The following DSP variants were observed in gnomAD, a reference collection of about 807,000 sequenced individuals.
The protein encoded by DSP is 250/210 kDa paraneoplastic pemphigus antigen.
In DSP, 114 loss-of-function variants were observed where a neutral mutation model predicts 290.6. The ratio of observed to expected loss-of-function variants is 0.39; its 90% CI spans 0.34 to 0.46. The LOEUF is 0.46. DSP is among the 20% of genes least tolerant of loss of function. The pLI, the probability that DSP is intolerant of heterozygous loss-of-function variation, is 0.99. For missense variants in DSP, 3,230 were observed against 3,495.8 expected (o/e 0.92, Z 1.92); for synonymous variants, 1,311 against 1,316.4 (o/e 1.00, Z 0.09).
At chr6:7,577,908 T>A (rs1759294027) in intron 21 of DSP, 22 bp downstream of exon 21, 3 of 1,580,684 alleles carry the variant, frequency 1.9e-6, no homozygotes, top group South Asian at 1.1e-5. Context: ...ATCACATATC[T>A]CTTAAAACCT....
chr6:7,568,829 T>G (rs1364717238), intron 11 of DSP, among the ~76,000 whole-genome samples: 1 of 152,160 alleles, frequency 6.6e-6, no homozygotes, highest in East Asian at 1.9e-4. Flanking sequence ...GCTTAATACT[T>G]TTCTTCTAGT....
chr6:7,566,060 G>A (rs1758853897), intron 7 of DSP, among the ~76,000 whole-genome samples: 1 of 152,146 alleles, frequency 6.6e-6, no homozygotes, highest in South Asian at 2.1e-4. Flanking sequence ...GATAAGAACT[G>A]GTACGTTCAG....
chr6:7,545,693 G>T (rs995133655), intron 1 of DSP, among the ~76,000 whole-genome samples: 1 of 152,214 alleles, frequency 6.6e-6, no homozygotes, highest in African/African-American at 2.4e-5. Flanking sequence ...CACAGGAGGG[G>T]TGTACGTGAC....
At chr6:7,545,447 C>A (rs1758146235) in intron 1 of DSP, among the ~76,000 whole-genome samples, 1 of 152,224 alleles carries the variant, frequency 6.6e-6, no homozygotes, top group Admixed American at 6.5e-5. Context: ...GGATCCTCAC[C>A]TTGGTTTTCC....
intron 11 of DSP, 36 bp downstream of exon 11, chr6:7,568,625 C>T: frequency 3.1e-6 from 5 of 1,611,318 alleles, no homozygotes; most frequent in Non-Finnish European, 3.4e-6. Context: ...AAAGTTTTCC[C>T]TGTCTTTACA....
At position 7,559,333 on chromosome 6, in the gene DSP, G is replaced by C; in HGVS notation, c.530G>C (p.Gly177Ala). ...KGGGGYTCQS[G>A]SGWDEFTKHV... ...GGTGGAGGCTACACTTGTCAGAGTG[G>C]CTCTGGCTGGGATGAGTTCACCAAA... The change falls in exon 4 of 24, where the codon GGC (glycine) becomes GCC (alanine). Residue 177 changes from glycine (G) to alanine (A), a missense_variant. Gly to Ala is a moderately conservative substitution (Grantham distance 60). Around this residue, in one of 5 missense-constraint regions of DSP, gnomAD observed 646 missense variants for 684.3 expected, o/e 0.94. Coordinates refer to ENST00000379802, the MANE Select transcript of DSP (RefSeq NM_004415.4). 6.2e-7 allele frequency: 1 copy of C among 1,613,734 alleles called. No individual in the cohort carries two copies. The highest frequency in any genetic ancestry group is 8.5e-7 in the Non-Finnish European group (1 of 1,180,030).
At chr6:7,556,658 A>G (rs1272706562) in intron 2 of DSP, among the ~76,000 whole-genome samples, 2 of 152,246 alleles carry the variant, frequency 1.3e-5, no homozygotes, top group African/African-American at 2.4e-5. Context: ...CTCTGTTTAG[A>G]TAACATTTTA....
chr6:7,570,696 CTCCT>C, intron 13 of DSP, 133 bp downstream of exon 13: 8 of 1,297,544 alleles, frequency 6.2e-6, no homozygotes, highest in Non-Finnish European at 7.6e-6. Context: ...CAGCTCAGCC[CTCCT>C]TAGAGGTTCT....
chr6:7,565,397 G>A lies in DSP; in HGVS notation c.816G>A (p.Leu272=), dbSNP rs376184294. 3.0e-5 allele frequency: 48 copies of A among 1,614,132 alleles called. No homozygotes were observed. In the African/African-American group the frequency reaches 4.4e-4, roughly 15 times the overall value. The part of the protein sequence containing the change: ...SFERMDHLRQ[L]QNIIQATSRE... ...AGAGGATGGATCACCTGCGACAGCT[G>A]CAGAACATCATTCAGGCCACGTCCA... Residue 272 remains leucine, a synonymous_variant, in exon 7 of 24, where the codon CTG becomes CTA. Transcript: ENST00000379802. The surrounding 1 kb of genome is among the most constrained non-coding windows in gnomAD (Gnocchi z 4.2).
chr6:7,568,303 T>A, intron 10 of DSP, 134 bp from the exon 11 acceptor site: 1 of 1,012,640 alleles, frequency 9.9e-7, no homozygotes, highest in Non-Finnish European at 1.5e-6. Flanking sequence ...TGCCGACGAA[T>A]TTGTGATTTT....
Position 7,546,170 on chromosome 6 carries a change from C to A in DSP, c.170+4085C>A, listed in dbSNP as rs537949887. Among the ~76,000 whole-genome samples the A allele has an allele frequency of 2.6e-4, 39 of 152,162 alleles. 1 individual carries two copies. The highest frequency in any genetic ancestry group is 8.9e-4 in the African/African-American group (37 of 41,506). ...ATGAAAGTCTGAACCAGGGTGAGGG[C>A]AGTGGATGGAAAAGTAGGTATTGCC... On this transcript the variant is annotated intron_variant, in intron 1 of 23. Coordinates refer to ENST00000379802, the MANE Select transcript of DSP (RefSeq NM_004415.4).
chr6:7,580,100 G>A lies in DSP; in HGVS notation c.3910G>A (p.Glu1304Lys), dbSNP rs1216887103. The change falls in exon 23 of 24, where the codon GAG becomes AAG. Residue 1304 changes from glutamate (E) to lysine (K), a missense_variant. This residue lies in a region of DSP where 1,714 missense variants were observed against 1,844.5 expected (regional missense o/e 0.93). Transcript: ENST00000379802. This position sits in a 1 kb window ranked among gnomAD's most constrained non-coding sequence, Gnocchi z 4.2. ...ELKQVMQQRS[E>K]DNARHKQSLE... is the part of the protein sequence containing the mutation. ...GAAGCAGGTCATGCAGCAGCGCTCT[G>A]AGGACAATGCCCGGCACAAGCAGTC... 1 of 1,613,994 alleles carries A rather than the reference G, an allele frequency of 6.2e-7. No homozygotes were observed. Among genetic ancestry groups the A allele is most frequent in the Non-Finnish European group, 8.5e-7 (1 of 1,180,020 alleles).
Position 7,570,441 on chromosome 6 carries a change from GAGC to G in DSP, c.1582_1584del (p.Gln528del). The G allele has an allele frequency of 6.2e-7, 1 of 1,614,102 alleles. No homozygotes were observed. The highest frequency in any genetic ancestry group is 8.5e-7 in the Non-Finnish European group (1 of 1,180,030). The stretch of plus-strand genomic sequence containing the variant: ...TTTTCCCTTTGTGCCTCTTAGGATT[GAGC>G]AGTACTACGAAGCCATCTTGGCTCT... On this transcript the variant is annotated inframe_deletion, in exon 13 of 24. Coordinates refer to ENST00000379802, the MANE Select transcript of DSP (RefSeq NM_004415.4).
intron 5 of DSP, among the ~76,000 whole-genome samples, chr6:7,563,272 G>A (rs897670194): frequency 1.3e-5 from 2 of 151,056 alleles, no homozygotes; most frequent in Non-Finnish European, 2.9e-5. Flanking sequence ...GATCTTAAGT[G>A]CTTAGTTTCC....
chr6:7,549,137 G>C (rs1758258861), intron 1 of DSP, among the ~76,000 whole-genome samples: 1 of 145,248 alleles, frequency 6.9e-6, no homozygotes, highest in Admixed American at 7.0e-5. Flanking sequence ...GATGTATATA[G>C]AGAGTGTTTA....
rs760215987 is a variant in DSP at position 7,585,663 on chromosome 6, C to T, written c.8401C>T (p.Arg2801Cys). 2 of 1,614,236 alleles carry T rather than the reference C, an allele frequency of 1.2e-6. No individual in the cohort carries two copies. Among genetic ancestry groups the T allele is most frequent in the African/African-American group, 1.3e-5 (1 of 75,068 alleles). The change falls in exon 24 of 24, where the codon CGC becomes TGC. Residue 2801 changes from arginine (R) to cysteine (C), a missense_variant. By Grantham distance (180) the Arg-to-Cys change is radical. This residue lies in a region of DSP where 582 missense variants were observed against 555.4 expected (regional missense o/e 1.05). Transcript: ENST00000379802. ...RSMVEDITGL[R>C]LLEAASVSSK... is the part of the protein sequence containing the mutation. ...CATGGTAGAAGATATCACTGGGCTG[C>T]GCCTTCTGGAAGCCGCCTCCGTGTC... is the stretch of plus-strand genomic sequence containing the variant.
intron 1 of DSP, among the ~76,000 whole-genome samples, chr6:7,544,879 T>TA (rs1466857839): frequency 6.6e-6 from 1 of 152,256 alleles, no homozygotes; most frequent in African/African-American, 2.4e-5. Flanking sequence ...TGGTAAATGT[T>TA]ACAACCTTGA....
rs768526275 is a variant in DSP at position 7,569,230 on chromosome 6, C to G, written c.1464C>G (p.Asn488Lys). Residue 488 changes from asparagine to lysine, a missense_variant, in exon 12 of 24, where the codon AAC (asparagine) becomes AAG (lysine). Around this residue, in one of 5 missense-constraint regions of DSP, gnomAD observed 646 missense variants for 684.3 expected, o/e 0.94. Transcript: ENST00000379802. ...ATGAGTGTATCCTGAAGGACAACAA[C>G]GAGCGCAGCAAGTGGTACGTGACGG... ...KGDECILKDN[N>K]ERSKWYVTGP... 6.2e-7 allele frequency: 1 copy of G among 1,614,158 alleles called. No homozygotes were observed. The highest frequency in any genetic ancestry group is 8.5e-7 in the Non-Finnish European group (1 of 1,180,026).
rs10484326 is a variant in DSP, at chr6:7,558,085, T to C, written c.274-31T>C. ...TGAAGGTTTTCTTCCTGGTAGTATG[T>C]GTTTTCCTTCATGTGAGTGTTTTCT... On this transcript the variant is annotated intron_variant, in intron 2 of 23. Transcript: ENST00000379802. 0.22 allele frequency: 360,559 copies of C among 1,613,050 alleles called. 42,278 individuals carry two copies. The highest frequency in any genetic ancestry group is 0.27 in the Middle Eastern group (1,637 of 6,062).
Sources: gnomAD v4.1 joint callset for allele counts (sites outside exome capture counted in the v4.1 genomes callset) on GRCh38, gnomAD v4.1.1 for gene constraint, gnomAD v4.1.1 regional missense constraint, Gnocchi (gnomAD v3.1) non-coding constraint, MANE v1.5 for transcripts, NCBI Gene and HGNC (gene_info 2026-07-23, HGNC 2026-07-21) for gene names.